Variants in RADIL observed in about 807,000 individuals in gnomAD.
The protein encoded by RADIL is Rap associating with DIL domain.
In RADIL, 99 loss-of-function variants were observed where a neutral mutation model predicts 97.6. The observed-to-expected ratio is 1.01, with a 90% CI of 0.86 to 1.20. The LOEUF (loss-of-function observed/expected upper bound fraction) is 1.20. Ranked by LOEUF, RADIL falls within the 50% of genes most tolerant of loss-of-function variation. The pLI, the probability that RADIL is intolerant of heterozygous loss-of-function variation, is 0.00. For missense variants in RADIL, 1,765 were observed against 1,498.9 expected (o/e 1.18, Z -2.93); for synonymous variants, 803 against 691.8 (o/e 1.16, Z -2.52).
chr7:4,823,074 AG>A (rs778746582), intron 5 of RADIL, among the ~76,000 whole-genome samples: 9 of 152,222 alleles, frequency 5.9e-5, no homozygotes, highest in African/African-American at 1.2e-4. Flanking sequence ...TTATTAAAGC[AG>A]GAAGTCAGAA....
chr7:4,813,092 C>G lies in RADIL; in HGVS notation c.2139+2186G>C, dbSNP rs1187130708. Among the ~76,000 whole-genome samples, 1 of 151,656 alleles carries G rather than the reference C, an allele frequency of 6.6e-6. No individual in the cohort carries two copies. Among genetic ancestry groups the G allele is most frequent in the African/African-American group, 2.4e-5 (1 of 41,150 alleles). On this transcript the variant is annotated intron_variant, in intron 9 of 14. Coordinates refer to ENST00000399583, the MANE Select transcript of RADIL (RefSeq NM_018059.5). This position sits in a 1 kb window ranked among gnomAD's most constrained non-coding sequence, Gnocchi z 5.0. ...TTCTTCTTTCTCTCTCTCTCTCTCT[C>G]TCTCTCTCTTTCCTTTCTTTCTTTC...
In RADIL at chr7:4,822,919, A is replaced by G. The variant is rs182114279; in HGVS notation, c.1455-365T>C. ...TGTGTGTGTGTGCGTGTATGCGTGC[A>G]TGGGGGTGGGGGCTGGTCCATGGTT... On this transcript the variant is annotated intron_variant, in intron 5 of 14. Transcript: ENST00000399583. This position sits in a 1 kb window ranked among gnomAD's most constrained non-coding sequence, Gnocchi z 5.3. 6.6e-6 allele frequency among the ~76,000 whole-genome samples: 1 copy of G among 152,230 alleles called. No individual in the cohort carries two copies. Among genetic ancestry groups the G allele is most frequent in the East Asian group, 1.9e-4 (1 of 5,182 alleles).
At position 4,836,541 on chromosome 7, in the gene RADIL, C is replaced by T; in HGVS notation, c.600G>A (p.Leu200=). The stretch of plus-strand genomic sequence containing the variant: ...GTGGAGGAGAGCTCCGGGCATCCCC[C>T]AGGGCCGGGGTCGGGGTTCCCTTCG... ...SRAKGTPTPA[L]GDARSSPPPR... Residue 200 remains leucine, a synonymous_variant, in exon 3 of 15, where the codon CTG becomes CTA. Transcript: ENST00000399583. The T allele has an allele frequency of 1.9e-6, 3 of 1,607,980 alleles. No homozygotes were observed. Among genetic ancestry groups the T allele is most frequent in the Non-Finnish European group, 2.5e-6 (3 of 1,179,456 alleles).
intron 9 of RADIL, chr7:4,808,480 T>C: frequency 9.9e-6 from 7 of 710,140 alleles, no homozygotes; most frequent in Non-Finnish European, 1.2e-5. Flanking sequence ...GGCCTATTTT[T>C]ATAGGGCCCC....
chr7:4,868,775 A>T (rs1044822309), intron 2 of RADIL, among the ~76,000 whole-genome samples: 7 of 152,236 alleles, frequency 4.6e-5, no homozygotes, highest in African/African-American at 1.4e-4. Context: ...TTGAATTTTG[A>T]TATAGTCAAA....
chr7:4,862,769 T>C (rs1229100717), intron 2 of RADIL, among the ~76,000 whole-genome samples: 2 of 151,856 alleles, frequency 1.3e-5, no homozygotes, highest in Non-Finnish European at 2.9e-5. Flanking sequence ...TGGTGGTGCA[T>C]GCCTGTAATC....
intron 9 of RADIL, among the ~76,000 whole-genome samples, chr7:4,810,635 A>T (rs1231313678): frequency 6.6e-6 from 1 of 152,134 alleles, no homozygotes; most frequent in East Asian, 1.9e-4. Context: ...GTGGCGAGGG[A>T]CCCACGGAAG....
chr7:4,807,767 G>A lies in RADIL; in HGVS notation c.2140-2051C>T, dbSNP rs182980246. Among the ~76,000 whole-genome samples, 188 of 37,432 alleles carry A rather than the reference G, an allele frequency of 5.0e-3. 2 individuals are homozygous for A. The highest frequency in any genetic ancestry group is 0.019 in the African/African-American group (162 of 8,590). The allele number at this position is 37,432 out of a possible 152,430, so 24.6% of individuals were successfully genotyped here. ...CTCCCTCCTCCCTTTCTCCCCCTCCGTCTCTCTCCCCTTCCTCCTCCGTCT... is the reference window on the plus strand; with the variant it reads ...CTCCCTCCTCCCTTTCTCCCCCTCCATCTCTCTCCCCTTCCTCCTCCGTCT... On this transcript the variant is annotated intron_variant, in intron 9 of 14. Transcript: ENST00000399583.
Position 4,814,539 on chromosome 7 carries a change from G to C in RADIL, c.2139+739C>G, listed in dbSNP as rs529650344. 6.6e-6 allele frequency among the ~76,000 whole-genome samples: 1 copy of C among 152,168 alleles called. No homozygotes were observed. The highest frequency in any genetic ancestry group is 1.5e-5 in the Non-Finnish European group (1 of 67,982). ...ACCTGTGATGACTGTGTTGGGAAGG[G>C]GGGTGGTGAGTGGCTGACTGTGTTG... On this transcript the variant is annotated intron_variant, in intron 9 of 14. Transcript: ENST00000399583. The surrounding 1 kb of genome is among the most constrained non-coding windows in gnomAD (Gnocchi z 4.5).
chr7:4,824,526 C>T lies in RADIL; in HGVS notation c.1455-1972G>A, dbSNP rs1246417356. The stretch of plus-strand genomic sequence containing the variant: ...GGGCTGGGGGAGGAACCCCAGGCTG[C>T]GTCCCAGATTCTCCCCGGTACCCAA... On this transcript the variant is annotated intron_variant, in intron 5 of 14. Coordinates refer to ENST00000399583, the MANE Select transcript of RADIL (RefSeq NM_018059.5). This position sits in a 1 kb window ranked among gnomAD's most constrained non-coding sequence, Gnocchi z 6.7. 6.6e-6 allele frequency among the ~76,000 whole-genome samples: 1 copy of T among 152,206 alleles called. No homozygotes were observed. Among genetic ancestry groups the T allele is most frequent in the African/African-American group, 2.4e-5 (1 of 41,442 alleles).
At chr7:4,808,523 G>A (rs750198203) in intron 9 of RADIL, 6 of 951,578 alleles carry the variant, frequency 6.3e-6, no homozygotes, top group Non-Finnish European at 7.5e-6. Context: ...TTTTTAAAGG[G>A]TTTGAGAAAA....
chr7:4,874,067 C>T (rs1446789140), intron 2 of RADIL, among the ~76,000 whole-genome samples: 1 of 152,216 alleles, frequency 6.6e-6, no homozygotes, highest in African/African-American at 2.4e-5. Flanking sequence ...CTCCCCGTTC[C>T]GTGCCTCCAA....
In RADIL at chr7:4,821,660, A is replaced by C. The variant is rs1422941808; in HGVS notation, c.1615+734T>G. On this transcript the variant is annotated intron_variant, in intron 6 of 14. Coordinates refer to ENST00000399583, the MANE Select transcript of RADIL (RefSeq NM_018059.5). The surrounding 1 kb of genome is among the most constrained non-coding windows in gnomAD (Gnocchi z 5.2). ...TGGGGCGGATCAGGAGTTTGAGACC[A>C]GCCTGGCAAACATGGTGAAACCCCA... is the stretch of plus-strand genomic sequence containing the variant. 6.6e-6 allele frequency among the ~76,000 whole-genome samples: 1 copy of C among 152,152 alleles called. No homozygotes were observed. The highest frequency in any genetic ancestry group is 1.5e-5 in the Non-Finnish European group (1 of 68,028).
rs567082065 is a variant in RADIL, at chr7:4,823,841, G to A, written c.1455-1287C>T. ...GTGGCAAGGCTGTGCTGAGGTGCCC[G>A]GGTAATTCCTCATTTAAAATGCCAG... is the stretch of plus-strand genomic sequence containing the variant. On this transcript the variant is annotated intron_variant, in intron 5 of 14. Transcript: ENST00000399583. Among the ~76,000 whole-genome samples, 17 of 152,310 alleles carry A rather than the reference G, an allele frequency of 1.1e-4. No homozygotes were observed. In the South Asian group the frequency reaches 2.1e-3, roughly 19 times the overall value.
chr7:4,833,883 G>T (rs543258121), intron 4 of RADIL, among the ~76,000 whole-genome samples: 1 of 152,294 alleles, frequency 6.6e-6, no homozygotes, highest in East Asian at 1.9e-4. Flanking sequence ...GGATTCCTGG[G>T]GACATTGGCA....
chr7:4,871,401 G>A lies in RADIL; in HGVS notation c.535+6204C>T, dbSNP rs150073170. Among the ~76,000 whole-genome samples the A allele has an allele frequency of 6.7e-3, 1,023 of 152,330 alleles. 10 individuals carry two copies. Among genetic ancestry groups the A allele is most frequent in the African/African-American group, 0.023 (973 of 41,576 alleles). On this transcript the variant is annotated intron_variant, in intron 2 of 14. Coordinates refer to ENST00000399583, the MANE Select transcript of RADIL (RefSeq NM_018059.5). ...AGAGGAAGGCAGCGGCGCTTCCCGC[G>A]TGCACACAACAGTCCCTGCGGCCCG...
At chr7:4,851,057 T>G (rs1290316294) in intron 2 of RADIL, among the ~76,000 whole-genome samples, 2 of 151,794 alleles carry the variant, frequency 1.3e-5, no homozygotes, top group Admixed American at 1.3e-4. Flanking sequence ...CAAGAAAAAG[T>G]AGCCGGGCAT....
chr7:4,801,408 T>A (rs924616187), intron 12 of RADIL, among the ~76,000 whole-genome samples: 1 of 152,036 alleles, frequency 6.6e-6, no homozygotes, highest in Non-Finnish European at 1.5e-5. Flanking sequence ...CTAGACTCTC[T>A]CCCTCCCAGA....
intron 2 of RADIL, among the ~76,000 whole-genome samples, chr7:4,838,504 G>C (rs1470958714): frequency 6.6e-6 from 1 of 152,100 alleles, no homozygotes; most frequent in Non-Finnish European, 1.5e-5. Context: ...TGTCCCCTGG[G>C]GCTGCAGCCC....
Sources: allele counts gnomAD v4.1 joint callset (sites outside exome capture counted in the v4.1 genomes callset), GRCh38; gene constraint gnomAD v4.1.1; non-coding constraint Gnocchi (gnomAD v3.1); transcripts MANE v1.5; gene names NCBI Gene and HGNC (gene_info 2026-07-23, HGNC 2026-07-21).